Variants in PLAUR observed in about 807,000 individuals in gnomAD.
The protein encoded by PLAUR is urokinase plasminogen activator surface receptor.
A neutral mutation model predicts 33.4 loss-of-function variants in PLAUR; 22 were observed. The ratio of observed to expected loss-of-function variants is 0.66; its 90% confidence interval spans 0.47 to 0.94. The LOEUF is 0.94. PLAUR is among the 40% of genes least tolerant of loss of function. The pLI is 0.00. For missense variants in PLAUR, 408 were observed against 434.7 expected (o/e 0.94, Z 0.55); for synonymous variants, 148 against 167.3 (o/e 0.88, Z 0.89).
At chr19:43,649,259 G>A in intron 6 of PLAUR, 116 bp from the exon 7 acceptor site, 1 of 1,206,308 alleles carries the variant, frequency 8.3e-7, no homozygotes, top group Non-Finnish European at 1.2e-6. Context: ...CCTAGAGAAA[G>A]CAGCAGTTCT....
At chr19:43,663,300 TACACACACACACACACACACACAC>T (rs59542257) in intron 3 of PLAUR, among the ~76,000 whole-genome samples, 30 of 131,908 alleles carry the variant, frequency 2.3e-4, no homozygotes, top group African/African-American at 4.6e-4. Flanking sequence ...CTGTCACCCC[TACACACACACACACACACACACAC>T]ACACACACAC....
In PLAUR at chr19:43,649,006, G is replaced by A. The variant is rs947265065; in HGVS notation, c.892C>T (p.Leu298=). ...CTKSGCNHPD[L]DVQYRSGAAP... is the part of the protein sequence containing the mutation. ...GCCCCACTGCGGTACTGGACATCCAGGTCTGGGTGGTTACAGCCACTTTTA... is the reference window on the plus strand; with the variant it reads ...GCCCCACTGCGGTACTGGACATCCAAGTCTGGGTGGTTACAGCCACTTTTA... Residue 298 remains leucine, a synonymous_variant, in exon 7 of 7, where the codon CTG becomes TTG. Coordinates refer to ENST00000340093, the MANE Select transcript of PLAUR (RefSeq NM_002659.4). 1.9e-6 allele frequency: 3 copies of A among 1,614,244 alleles called. No homozygotes were observed. Among genetic ancestry groups the A allele is most frequent in the Non-Finnish European group, 2.5e-6 (3 of 1,180,036 alleles).
Position 43,667,607 on chromosome 19 carries a change from C to G in PLAUR, c.140G>C (p.Arg47Thr). Residue 47 changes from arginine to threonine, a missense_variant, in exon 2 of 7, where the codon AGG becomes ACG. Coordinates refer to ENST00000340093, the MANE Select transcript of PLAUR (RefSeq NM_002659.4). ...EECALGQDLCRTTIVRLWEEG... is the reference protein window; with the variant it reads ...EECALGQDLCTTTIVRLWEEG... Reference sequence around the variant, plus strand: ...TTCCCACAAGCGCACGATCGTGGTCCTGCAGAGGTCCTGTCCCAGGGCGCA... The same window carrying G: ...TTCCCACAAGCGCACGATCGTGGTCGTGCAGAGGTCCTGTCCCAGGGCGCA... 6.2e-7 allele frequency: 1 copy of G among 1,613,878 alleles called. No homozygotes were observed. Among genetic ancestry groups the G allele is most frequent in the South Asian group, 1.1e-5 (1 of 91,080 alleles).
Position 43,649,157 on chromosome 19 carries a change from A to C in PLAUR, c.755-14T>G. ...GGTTTTTCGGTTCTGAGGAAAGAGAAGACGGAGTGAGACTTCCAGCTCCTG... is the reference window on the plus strand; with the variant it reads ...GGTTTTTCGGTTCTGAGGAAAGAGACGACGGAGTGAGACTTCCAGCTCCTG... On this transcript the variant is annotated splice_polypyrimidine_tract_variant and intron_variant, in intron 6 of 6. Coordinates refer to ENST00000340093, the MANE Select transcript of PLAUR (RefSeq NM_002659.4). 6.3e-7 allele frequency: 1 copy of C among 1,598,402 alleles called. No homozygotes were observed. The highest frequency in any genetic ancestry group is 8.6e-7 in the Non-Finnish European group (1 of 1,166,688).
chr19:43,667,003 A>G (rs1967282289), intron 2 of PLAUR, among the ~76,000 whole-genome samples: 1 of 151,940 alleles, frequency 6.6e-6, no homozygotes, highest in African/African-American at 2.4e-5. Context: ...CAGCCTCCCA[A>G]GTAGCTGAGA....
At chr19:43,668,028 A>T in intron 1 of PLAUR, 1 of 1,115,974 alleles carries the variant, frequency 9.0e-7, no homozygotes, top group Non-Finnish European at 1.1e-6. Flanking sequence ...TCCTGCTCCT[A>T]TTAGGTCTTT....
At chr19:43,646,703 C>A (rs1288315444), downstream of PLAUR, among the ~76,000 whole-genome samples, 3 of 151,548 alleles carry the variant, frequency 2.0e-5, no homozygotes, top group Non-Finnish European at 4.4e-5. Flanking sequence ...TAAGCCACTA[C>A]AGTGACAGGT....
At chr19:43,656,436 G>C (rs1049660785) in intron 4 of PLAUR, 43 bp downstream of exon 4, 2 of 1,522,960 alleles carry the variant, frequency 1.3e-6, no homozygotes, top group African/African-American at 1.4e-5. Context: ...TCTTAGGGAG[G>C]AGCAGAGCAG....
intron 2 of PLAUR, chr19:43,667,287 G>T (rs1967297439): frequency 4.5e-6 from 2 of 447,894 alleles, no homozygotes; most frequent in Non-Finnish European, 8.2e-6. Flanking sequence ...GCATGGCGAG[G>T]AGTTGAGCTG....
intron 5 of PLAUR, among the ~76,000 whole-genome samples, chr19:43,654,721 G>T (rs1163982478): frequency 6.6e-6 from 1 of 152,020 alleles, no homozygotes; most frequent in Admixed American, 6.6e-5. Flanking sequence ...GTGACAGAGC[G>T]AGACCCTGTC....
chr19:43,665,439 C>G lies in PLAUR; in HGVS notation c.187G>C (p.Val63Leu). 6.2e-7 allele frequency: 1 copy of G among 1,613,250 alleles called. No individual in the cohort carries two copies. The highest frequency in any genetic ancestry group is 8.5e-7 in the Non-Finnish European group (1 of 1,179,896). The change falls in exon 3 of 7, where the codon GTG becomes CTG. Residue 63 changes from valine (V) to leucine (L), a missense_variant. Val to Leu is a conservative substitution (Grantham distance 32, BLOSUM62 1). Transcript: ENST00000340093. ...LWEEGEELEL[V>L]EKSCTHSEKT... ...TCTGAGTGGGTACAGCTTTTCTCCA[C>G]CAGCTCCAGCTCTTCTCCTTCTGCA...
chr19:43,656,169 C>T lies in PLAUR; in HGVS notation c.472+310G>A, dbSNP rs559000895. Among the ~76,000 whole-genome samples the T allele has an allele frequency of 7.2e-5, 11 of 152,114 alleles. 1 individual carries two copies. In the East Asian group the frequency reaches 2.1e-3, roughly 29 times the overall value. ...TCAGGAGGCTGAGGCAGGAGAATCA[C>T]TTGAACCTGGGAGGCGGAGGTTGCA... On this transcript the variant is annotated intron_variant, in intron 4 of 6. Transcript: ENST00000340093.
At chr19:43,670,013 C>T in intron 1 of PLAUR, 53 bp downstream of exon 1, 1 of 1,557,950 alleles carries the variant, frequency 6.4e-7, no homozygotes, top group Non-Finnish European at 8.8e-7. Context: ...CAACCCCCAA[C>T]CCCCTCAATT....
At chr19:43,653,644 G>A (rs949639470) in intron 5 of PLAUR, among the ~76,000 whole-genome samples, 1 of 150,800 alleles carries the variant, frequency 6.6e-6, no homozygotes, top group Admixed American at 6.6e-5. Context: ...GGCTGACAGA[G>A]CGAGACTCCA....
At chr19:43,665,801 C>A (rs113684454) in intron 2 of PLAUR, among the ~76,000 whole-genome samples, 34 of 147,206 alleles carry the variant, frequency 2.3e-4, no homozygotes, top group African/African-American at 7.8e-4. Context: ...GTAGCTGGAA[C>A]CACAGGCTTA....
chr19:43,661,955 C>G (rs1967016535), intron 3 of PLAUR, among the ~76,000 whole-genome samples: 1 of 152,050 alleles, frequency 6.6e-6, no homozygotes, highest in Non-Finnish European at 1.5e-5. Context: ...CAGCCTCCAA[C>G]TCCTGGGATC....
chr19:43,651,031 CAAAAAAA>C (rs747441567), intron 6 of PLAUR, among the ~76,000 whole-genome samples: 3 of 85,398 alleles, frequency 3.5e-5, no homozygotes, highest in African/African-American at 8.0e-5. Context: ...GACTCCATTT[CAAAAAAA>C]AAAAAAAAAG....
intron 1 of PLAUR, among the ~76,000 whole-genome samples, chr19:43,669,363 G>C (rs1250990269): frequency 6.6e-6 from 1 of 152,060 alleles, no homozygotes; most frequent in African/African-American, 2.4e-5. Flanking sequence ...GGCGCTGCAG[G>C]GTCAGATCCT....
At chr19:43,657,069 G>A (rs911074680) in intron 3 of PLAUR, among the ~76,000 whole-genome samples, 3 of 150,742 alleles carry the variant, frequency 2.0e-5, no homozygotes, top group Admixed American at 6.7e-5. Flanking sequence ...TCAGCCTCCC[G>A]AATAGCTGGG....
Sources: gnomAD v4.1 joint callset for allele counts (sites outside exome capture counted in the v4.1 genomes callset) on GRCh38, gnomAD v4.1.1 for gene constraint, MANE v1.5 for transcripts, NCBI Gene and HGNC (gene_info 2026-07-23, HGNC 2026-07-21) for gene names.